The following LOXL2 variants were observed in gnomAD, a reference collection of about 807,000 sequenced individuals.
LOXL2 encodes lysyl oxidase homolog 2.
A neutral mutation model predicts 93.0 loss-of-function variants in LOXL2; 70 were observed. The ratio of observed to expected loss-of-function variants is 0.75; its 90% CI spans 0.62 to 0.92. The LOEUF (loss-of-function observed/expected upper bound fraction) is 0.92. Ranked by LOEUF, LOXL2 falls within the 40% of genes least tolerant of loss-of-function variation. The pLI, the probability that LOXL2 is intolerant of heterozygous loss-of-function variation, is 0.00. For missense variants in LOXL2, 973 were observed against 1,054.9 expected, an observed-to-expected ratio of 0.92 and a Z score of 1.08; for synonymous variants, 438 against 413.2, an observed-to-expected ratio of 1.06 and a Z score of -0.73.
intron 1 of LOXL2, among the ~76,000 whole-genome samples, chr8:23,391,869 C>A (rs1306957871): frequency 6.6e-6 from 1 of 152,062 alleles, no homozygotes; most frequent in Non-Finnish European, 1.5e-5. Context: ...GAATCCTGGG[C>A]TGGAGGGAGT....
At chr8:23,342,928 T>C (rs1458913697) in intron 3 of LOXL2, among the ~76,000 whole-genome samples, 2 of 152,036 alleles carry the variant, frequency 1.3e-5, no homozygotes, top group Non-Finnish European at 2.9e-5. Context: ...TTTTAAAATA[T>C]ATTTCAGAGA....
In LOXL2 at chr8:23,333,558, G is replaced by T; in HGVS notation, c.809C>A (p.Ala270Asp). ...PFSMDCTGTE[A>D]HISSCKLGPQ... The stretch of plus-strand genomic sequence containing the variant: ...GCCCAGCTTGCAGCTGGAGATGTGG[G>T]CCTCTGTGCCGGTGCAGTCCATGGA... The change falls in exon 5 of 14, where the codon GCC becomes GAC. Residue 270 changes from alanine (A) to aspartate (D), a missense_variant. Transcript: ENST00000389131. 6.2e-7 allele frequency: 1 copy of T among 1,613,920 alleles called. No individual in the cohort carries two copies. The highest frequency in any genetic ancestry group is 8.5e-7 in the Non-Finnish European group (1 of 1,180,040).
At position 23,368,109 on chromosome 8, in the gene LOXL2, G is replaced by A. The variant is rs1436553225; in HGVS notation, c.243C>T (p.Gly81=). ...RVEVYYDGQW[G]TVCDDDFSIH... Reference sequence around the variant, plus strand: ...TGGAGAAGTCGTCATCGCACACGGTGCCCCACTGGCCATCATAGTACACCT... The same window carrying A: ...TGGAGAAGTCGTCATCGCACACGGTACCCCACTGGCCATCATAGTACACCT... The change falls in exon 2 of 14, where the codon GGC becomes GGT. Residue 81 remains glycine, a synonymous_variant. Transcript: ENST00000389131. The A allele has an allele frequency of 6.2e-7, 1 of 1,613,984 alleles. No individual in the cohort carries two copies. The highest frequency in any genetic ancestry group is 1.3e-5 in the African/African-American group (1 of 74,948).
intron 4 of LOXL2, chr8:23,337,260 C>T (rs1259565714): frequency 6.5e-6 from 1 of 152,860 alleles, no homozygotes; most frequent in African/African-American, 2.4e-5. Flanking sequence ...GCCCCCGCCA[C>T]CCTGGAGCCA....
chr8:23,371,361 T>A (rs933258929), intron 1 of LOXL2, among the ~76,000 whole-genome samples: 1 of 151,444 alleles, frequency 6.6e-6, no homozygotes, highest in Non-Finnish European at 1.5e-5. Context: ...GAATGAAGAG[T>A]ATGAAGTAGG....
intron 1 of LOXL2, among the ~76,000 whole-genome samples, chr8:23,383,892 C>G (rs1804718927): frequency 6.6e-6 from 1 of 151,982 alleles, no homozygotes; most frequent in Admixed American, 6.6e-5. Flanking sequence ...GATCTGCTGA[C>G]CTCGTGATCC....
rs375330094 is a variant in LOXL2 at position 23,309,880 on chromosome 8, C to T, written c.1668G>A (p.Met556Ile). 1.3e-6 allele frequency: 2 copies of T among 1,552,632 alleles called. No individual in the cohort carries two copies. The highest frequency in any genetic ancestry group is 1.4e-5 in the African/African-American group (1 of 72,764). ...CCTCCAGGTAGGTGGTCTGCTGCAC[C>T]ATCTCCGCATTGAGGACCAGGTCAG... The part of the protein sequence containing the change: ...TAPDLVLNAE[M>I]VQQTTYLEDR... The change falls in exon 10 of 14, where the codon ATG (methionine) becomes ATA (isoleucine). Residue 556 changes from methionine to isoleucine, a missense_variant. Met to Ile is a conservative substitution (Grantham distance 10). Coordinates refer to ENST00000389131, the MANE Select transcript of LOXL2 (RefSeq NM_002318.3).
intron 1 of LOXL2, among the ~76,000 whole-genome samples, chr8:23,397,929 C>T (rs1292446497): frequency 1.4e-5 from 2 of 144,508 alleles, no homozygotes; most frequent in African/African-American, 5.2e-5. Context: ...CCACTGCACT[C>T]CAGCCTGGGT....
chr8:23,386,736 A>G (rs1804766454), intron 1 of LOXL2, among the ~76,000 whole-genome samples: 1 of 152,150 alleles, frequency 6.6e-6, no homozygotes, highest in Non-Finnish European at 1.5e-5. Flanking sequence ...CTCAGTCCAC[A>G]TCATGGAAAT....
chr8:23,383,920 A>T (rs1184512524), intron 1 of LOXL2, among the ~76,000 whole-genome samples: 1 of 152,032 alleles, frequency 6.6e-6, no homozygotes, highest in Non-Finnish European at 1.5e-5. Flanking sequence ...TCGGCCTCCC[A>T]AAGTGCTGGG....
Position 23,372,045 on chromosome 8 carries a change from CAATAA to C in LOXL2, c.-83-3616_-83-3612del, listed in dbSNP as rs201510082. 3.5e-3 allele frequency among the ~76,000 whole-genome samples: 529 copies of C among 151,496 alleles called. 3 individuals are homozygous for C. The highest frequency in any genetic ancestry group is 0.012 in the African/African-American group (512 of 41,318). ...ATACTTGATTAATCCAAAATTGAAG[CAATAA>C]AACAAATAAAAAGTAACATAAAACA... On this transcript the variant is annotated intron_variant, in intron 1 of 13. Coordinates refer to ENST00000389131, the MANE Select transcript of LOXL2 (RefSeq NM_002318.3).
chr8:23,333,690 G>T, intron 4 of LOXL2, 67 bp from the exon 5 acceptor site: 1 of 1,298,924 alleles, frequency 7.7e-7, no homozygotes, highest in Non-Finnish European at 1.1e-6. Flanking sequence ...CTTCTGCAAC[G>T]AGGCAGAACA....
At chr8:23,359,635 C>T (rs1327065566) in intron 3 of LOXL2, among the ~76,000 whole-genome samples, 1 of 152,228 alleles carries the variant, frequency 6.6e-6, no homozygotes, top group African/African-American at 2.4e-5. Context: ...TCCTGACTCT[C>T]ACAAACTGTG....
In LOXL2 at chr8:23,311,039, AT is replaced by A. The variant is rs566640124; in HGVS notation, c.1637-1129del. Among the ~76,000 whole-genome samples, 19 of 152,222 alleles carry A rather than the reference AT, an allele frequency of 1.2e-4. No individual in the cohort carries two copies. In the South Asian group the frequency reaches 1.4e-3, roughly 12 times the overall value. On this transcript the variant is annotated intron_variant, in intron 9 of 13. Transcript: ENST00000389131. The stretch of plus-strand genomic sequence containing the variant: ...TTTTATTTTGACAAGTTGCTTGTAA[AT>A]TTTTTTCCCCCTAGACTGCTTTGCA...
intron 1 of LOXL2, among the ~76,000 whole-genome samples, chr8:23,391,357 G>A (rs186860784): frequency 5.3e-5 from 8 of 152,226 alleles, no homozygotes; most frequent in African/African-American, 1.9e-4. Context: ...TCTGCAAATG[G>A]GGAAGAGTTT....
intron 3 of LOXL2, among the ~76,000 whole-genome samples, chr8:23,359,127 C>T (rs932656271): frequency 4.6e-5 from 7 of 151,908 alleles, no homozygotes; most frequent in African/African-American, 1.7e-4. Context: ...GCTGGGATTA[C>T]AGGCATAAGC....
At chr8:23,375,148 T>C (rs1158474646) in intron 1 of LOXL2, among the ~76,000 whole-genome samples, 29 of 152,292 alleles carry the variant, frequency 1.9e-4, no homozygotes, top group Admixed American at 7.2e-4. Context: ...GGATCCAGTT[T>C]CAGCTTTCTA....
Position 23,354,965 on chromosome 8 carries a change from T to A in LOXL2, c.531+5125A>T, listed in dbSNP as rs1389372541. On this transcript the variant is annotated intron_variant, in intron 3 of 13. Transcript: ENST00000389131. ...TATATATATATTTTTTTTTTTTTTT[T>A]TTTTTTTTTTTTGAGACAGTTTTGC... Among the ~76,000 whole-genome samples the A allele has an allele frequency of 5.0e-3, 551 of 111,272 alleles. 13 individuals carry two copies. The highest frequency in any genetic ancestry group is 0.014 in the African/African-American group (409 of 29,086). The allele number at this position is 111,272 out of a possible 152,430, so 73.0% of individuals were successfully genotyped here. A position where few individuals can be genotyped will look rare whatever the true frequency, so the allele number is the denominator to read the frequency against.
chr8:23,389,735 A>C (rs1333967584), intron 1 of LOXL2, among the ~76,000 whole-genome samples: 3 of 152,170 alleles, frequency 2.0e-5, no homozygotes, highest in African/African-American at 2.4e-5. Context: ...CCCCTTCCCT[A>C]ATATGAGTAT....
Sources: gnomAD v4.1 joint callset for allele counts (sites outside exome capture counted in the v4.1 genomes callset) on GRCh38, gnomAD v4.1.1 for gene constraint, MANE v1.5 for transcripts, NCBI Gene and HGNC (gene_info 2026-07-23, HGNC 2026-07-21) for gene names.